SORCS3: variants seen among roughly 807,000 people sequenced by gnomAD.
SORCS3 encodes the protein sortilin related VPS10 domain containing receptor 3.
Under a neutral mutation model 146.3 loss-of-function variants are expected in SORCS3, and 57 were observed. The ratio of observed to expected loss-of-function variants is 0.39; its 90% CI spans 0.31 to 0.49. The LOEUF (loss-of-function observed/expected upper bound fraction) is 0.49. Ranked by LOEUF, SORCS3 falls within the 20% of genes least tolerant of loss-of-function variation. SORCS3 has a pLI of 0.92. For missense variants in SORCS3, 1,341 were observed against 1,575.5 expected, an observed-to-expected ratio of 0.85 and a Z score of 2.52; for synonymous variants, 653 against 618.5, an observed-to-expected ratio of 1.06 and a Z score of -0.83.
intron 20 of SORCS3, among the ~76,000 whole-genome samples, chr10:105,242,291 TATATATTTATAC>T (rs1224141282): frequency 7.3e-6 from 1 of 136,792 alleles, no homozygotes; most frequent in Non-Finnish European, 1.5e-5. Flanking sequence ...TATGTTTATA[TATATATTTATAC>T]ATATATTTAT....
intron 2 of SORCS3, among the ~76,000 whole-genome samples, chr10:104,849,343 C>T (rs907917371): frequency 4.5e-5 from 6 of 131,974 alleles, no homozygotes; most frequent in Admixed American, 9.4e-5. Context: ...ACGCGGGAAG[C>T]GGAGGTTGTA....
intron 3 of SORCS3, among the ~76,000 whole-genome samples, chr10:104,969,608 A>T (rs926011407): frequency 2.0e-5 from 3 of 152,194 alleles, no homozygotes; most frequent in Non-Finnish European, 4.4e-5. Context: ...CAGTGATATC[A>T]AAGTATATCA....
intron 1 of SORCS3, among the ~76,000 whole-genome samples, chr10:104,675,570 T>G (rs1564656570): frequency 6.6e-6 from 1 of 152,238 alleles, no homozygotes; most frequent in African/African-American, 2.4e-5. Flanking sequence ...GAGTGTCTGA[T>G]GTGACGAAGG....
At chr10:105,212,637 TA>T (rs1048371361) in intron 17 of SORCS3, among the ~76,000 whole-genome samples, 10 of 151,090 alleles carry the variant, frequency 6.6e-5, no homozygotes, top group Admixed American at 2.6e-4. Context: ...GAATGGCAAT[TA>T]AAAAAAAAGA....
intron 20 of SORCS3, among the ~76,000 whole-genome samples, chr10:105,244,465 G>C (rs150111007): frequency 6.6e-6 from 1 of 152,090 alleles, no homozygotes; most frequent in African/African-American, 2.4e-5. Flanking sequence ...AGATATGGAG[G>C]GTCTACAGTG....
chr10:105,054,037 T>C (rs1461775934), intron 5 of SORCS3, among the ~76,000 whole-genome samples: 1 of 152,042 alleles, frequency 6.6e-6, no homozygotes, highest in Non-Finnish European at 1.5e-5. Flanking sequence ...TATGCAAAAA[T>C]GGGTTTTCCT....
At chr10:104,941,601 A>G (rs2019321426) in intron 3 of SORCS3, among the ~76,000 whole-genome samples, 1 of 152,124 alleles carries the variant, frequency 6.6e-6, no homozygotes, top group South Asian at 2.1e-4. Context: ...CCACTCAGCT[A>G]TTGCTTATCA....
intron 1 of SORCS3, 68 bp downstream of exon 1, chr10:104,642,022 G>GGGGGGGGGGGGGGGGGCCCCCCC: frequency 2.9e-5 from 5 of 173,334 alleles, no homozygotes; most frequent in Non-Finnish European, 5.6e-5. Flanking sequence ...GGGTGGGTGG[G>GGGGGGGGGGGGGGGGGCCCCCCC]AGCGAGGGAC....
chr10:104,968,624 A>G (rs2054840874), intron 3 of SORCS3, among the ~76,000 whole-genome samples: 1 of 152,206 alleles, frequency 6.6e-6, no homozygotes, highest in Non-Finnish European at 1.5e-5. Flanking sequence ...ACAAAACAAA[A>G]TTAAAATCTC....
intron 1 of SORCS3, among the ~76,000 whole-genome samples, chr10:104,724,416 CT>C (rs1452600161): frequency 3.7e-4 from 57 of 152,122 alleles, no homozygotes; most frequent in African/African-American, 1.4e-3. Flanking sequence ...ACACTTTTTC[CT>C]TCATTTCAAC....
chr10:104,715,630 A>G (rs2016467576), intron 1 of SORCS3, among the ~76,000 whole-genome samples: 1 of 152,222 alleles, frequency 6.6e-6, no homozygotes, highest in Non-Finnish European at 1.5e-5. Context: ...GTGAAACACT[A>G]GATCTTCTGT....
chr10:104,840,768 T>C (rs1383949195), intron 1 of SORCS3, among the ~76,000 whole-genome samples: 1 of 152,292 alleles, frequency 6.6e-6, no homozygotes, highest in Non-Finnish European at 1.5e-5. Context: ...TTGCACTTTT[T>C]AGAGGCATGT....
chr10:105,043,925 C>T (rs940085932), intron 5 of SORCS3, among the ~76,000 whole-genome samples: 29 of 151,962 alleles, frequency 1.9e-4, no homozygotes, highest in African/African-American at 6.5e-4. Flanking sequence ...AAGTTTTGTA[C>T]AAATTTGCCT....
intron 2 of SORCS3, among the ~76,000 whole-genome samples, chr10:104,911,607 G>C (rs1488577080): frequency 6.6e-6 from 1 of 152,178 alleles, no homozygotes; most frequent in African/African-American, 2.4e-5. Flanking sequence ...AAAGATGATA[G>C]TTGGAAAACA....
intron 2 of SORCS3, among the ~76,000 whole-genome samples, chr10:104,866,834 T>C (rs185366147): frequency 6.6e-6 from 1 of 152,310 alleles, no homozygotes; most frequent in East Asian, 1.9e-4. Flanking sequence ...TTGGGGTATG[T>C]CAATTTTGAA....
chr10:104,747,366 G>T (rs1474673006), intron 1 of SORCS3, among the ~76,000 whole-genome samples: 1 of 152,158 alleles, frequency 6.6e-6, no homozygotes, highest in Non-Finnish European at 1.5e-5. Context: ...TGGGAATGCT[G>T]AACAACATGG....
intron 12 of SORCS3, 62 bp downstream of exon 12, chr10:105,164,441 C>A: frequency 9.0e-7 from 1 of 1,112,974 alleles, no homozygotes; most frequent in South Asian, 1.3e-5. Flanking sequence ...CAATCTCTCT[C>A]TCCATCCTAT....
chr10:105,157,487 T>G lies in SORCS3; in HGVS notation c.1629+203T>G, dbSNP rs544078805. Among the ~76,000 whole-genome samples, 13 of 152,326 alleles carry G rather than the reference T, an allele frequency of 8.5e-5. No homozygotes were observed. The South Asian group carries it at 2.1e-3, about 24-fold the overall frequency. On this transcript the variant is annotated intron_variant, in intron 10 of 26. Transcript: ENST00000369701. ...GGCCCAGTTGAATTATGCAGGCATT[T>G]AATGAGGATCTACTATGTGCTCCAT...
chr10:105,083,947 G>T (rs1249156413), intron 5 of SORCS3, among the ~76,000 whole-genome samples: 1 of 152,210 alleles, frequency 6.6e-6, no homozygotes, highest in Non-Finnish European at 1.5e-5. Context: ...GCTAGGAGAG[G>T]CAGCTTACAG....
Sources: gnomAD v4.1 joint callset for allele counts (sites outside exome capture counted in the v4.1 genomes callset) on GRCh38, gnomAD v4.1.1 for gene constraint, MANE v1.5 for transcripts, NCBI Gene and HGNC (gene_info 2026-07-23, HGNC 2026-07-21) for gene names.